Variants in PDE1A observed in about 807,000 individuals in gnomAD.
The protein encoded by PDE1A is dual specificity calcium/calmodulin-dependent 3',5'-cyclic nucleotide phosphodiesterase 1A.
A neutral mutation model predicts 61.7 loss-of-function variants in PDE1A; 35 were observed. The ratio of observed to expected loss-of-function variants is 0.57; its 90% CI spans 0.43 to 0.75. The LOEUF (loss-of-function observed/expected upper bound fraction) is 0.75. Ranked by LOEUF, PDE1A falls within the 30% of genes least tolerant of loss-of-function variation. The pLI is 0.00. For missense variants in PDE1A, 597 were observed against 630.6 expected (o/e 0.95, Z 0.57); for synonymous variants, 232 against 213.2 (o/e 1.09, Z -0.77).
At chr2:182,316,849 T>C (rs971604185) in intron 1 of PDE1A, among the ~76,000 whole-genome samples, 1 of 152,194 alleles carries the variant, frequency 6.6e-6, no homozygotes, top group Non-Finnish European at 1.5e-5. Context: ...TTTGGATATG[T>C]GTTGGCTTAG....
At chr2:182,510,522 G>T (rs1388431578) in intron 2 of PDE1A, among the ~76,000 whole-genome samples, 1 of 152,108 alleles carries the variant, frequency 6.6e-6, no homozygotes, top group African/African-American at 2.4e-5. Flanking sequence ...TAACGTAATG[G>T]AAATACAGCA....
chr2:182,208,274 G>A (rs555649547), intron 7 of PDE1A, among the ~76,000 whole-genome samples: 2 of 152,232 alleles, frequency 1.3e-5, no homozygotes, highest in Non-Finnish European at 2.9e-5. Flanking sequence ...ATGGCTGGTG[G>A]GGGCAGGGGC....
intron 1 of PDE1A, among the ~76,000 whole-genome samples, chr2:182,406,138 C>T (rs1359356928): frequency 2.0e-5 from 3 of 152,094 alleles, no homozygotes; most frequent in East Asian, 1.9e-4. Flanking sequence ...TTTATTCTCA[C>T]TTCAACTGTA....
At position 182,212,276 on chromosome 2, in the gene PDE1A, T is replaced by C. The variant is rs570606659; in HGVS notation, c.777-6211A>G. 3.4e-3 allele frequency among the ~76,000 whole-genome samples: 518 copies of C among 151,302 alleles called. 2 individuals carry two copies. The highest frequency in any genetic ancestry group is 0.012 in the African/African-American group (499 of 41,316). The stretch of plus-strand genomic sequence containing the variant: ...ATATATGTATACATTTATATATATA[T>C]ACACACACACACATAGTGGAATGGC... On this transcript the variant is annotated intron_variant, in intron 7 of 13. Transcript: ENST00000351439.
chr2:182,447,232 T>G (rs546399265), intron 2 of PDE1A, among the ~76,000 whole-genome samples: 1 of 152,084 alleles, frequency 6.6e-6, no homozygotes, highest in East Asian at 1.9e-4. Context: ...CTAGATAATG[T>G]TGCACTTAGT....
the PDE1A span, among the ~76,000 whole-genome samples, chr2:182,705,705 G>A: frequency 2.6e-5 from 4 of 152,104 alleles, no homozygotes; most frequent in Non-Finnish European, 5.9e-5. Flanking sequence ...ATAGAGACCA[G>A]GTTTTGCCAG....
At chr2:182,605,331 T>C in the PDE1A span, among the ~76,000 whole-genome samples, 1 of 152,106 alleles carries the variant, frequency 6.6e-6, no homozygotes, top group Non-Finnish European at 1.5e-5. Flanking sequence ...GACCCTGTGA[T>C]CAGTAGTGGC....
At chr2:182,272,541 C>T (rs1693106019) in intron 1 of PDE1A, among the ~76,000 whole-genome samples, 1 of 152,022 alleles carries the variant, frequency 6.6e-6, no homozygotes, top group Admixed American at 6.6e-5. Context: ...TTCAAGAAGC[C>T]ACTGAGGAGA....
chr2:182,533,067 T>C, the PDE1A span, among the ~76,000 whole-genome samples: 1 of 151,230 alleles, frequency 6.6e-6, no homozygotes, highest in African/African-American at 2.4e-5. Context: ...AACCCAGCAC[T>C]TTGGGAGGCC....
the PDE1A span, among the ~76,000 whole-genome samples, chr2:182,571,653 CA>C: frequency 6.6e-6 from 1 of 151,738 alleles, no homozygotes; most frequent in Non-Finnish European, 1.5e-5. Context: ...CTAAATTAAA[CA>C]ATAAGTTTAT....
chr2:182,401,796 T>A (rs1270971779), intron 1 of PDE1A, among the ~76,000 whole-genome samples: 6 of 152,138 alleles, frequency 3.9e-5, no homozygotes, highest in East Asian at 3.9e-4. Context: ...CAGCTCAAAA[T>A]CTCCTTAAGC....
At chr2:182,430,201 T>A (rs941638937), upstream of PDE1A, among the ~76,000 whole-genome samples, 14 of 149,768 alleles carry the variant, frequency 9.3e-5, no homozygotes, top group Non-Finnish European at 1.8e-4. Context: ...TTTCGCAACC[T>A]ACTCATCTGA....
chr2:182,202,183 T>C (rs1193676072), intron 8 of PDE1A, among the ~76,000 whole-genome samples: 1 of 152,160 alleles, frequency 6.6e-6, no homozygotes, highest in Admixed American at 6.6e-5. Flanking sequence ...GGAAAAAAAG[T>C]AGTCCAGTGG....
chr2:182,206,984 T>C (rs1243135031), intron 7 of PDE1A, among the ~76,000 whole-genome samples: 2 of 152,196 alleles, frequency 1.3e-5, no homozygotes, highest in East Asian at 1.9e-4. Flanking sequence ...ACCTCTTTTC[T>C]TGATATGTTA....
chr2:182,166,091 A>C (rs1046191725), downstream of PDE1A, among the ~76,000 whole-genome samples: 4 of 152,102 alleles, frequency 2.6e-5, no homozygotes, highest in Non-Finnish European at 5.9e-5. Flanking sequence ...GTGTGGTTTA[A>C]AGAGGTGCAT....
At chr2:182,504,523 G>T (rs921997441) in intron 2 of PDE1A, among the ~76,000 whole-genome samples, 8 of 152,096 alleles carry the variant, frequency 5.3e-5, no homozygotes, top group African/African-American at 1.9e-4. Flanking sequence ...AAAATAATTG[G>T]AAAGTATATA....
At chr2:182,211,939 GCAAA>G (rs1423194776) in intron 7 of PDE1A, among the ~76,000 whole-genome samples, 1 of 152,010 alleles carries the variant, frequency 6.6e-6, no homozygotes, top group African/African-American at 2.4e-5. Context: ...CATATCATCT[GCAAA>G]CAAAGATAAT....
the PDE1A span, among the ~76,000 whole-genome samples, chr2:182,610,465 CAACTGACCAAGCTGA>C: frequency 4.7e-4 from 72 of 152,002 alleles, 2 homozygotes; most frequent in South Asian, 6.2e-4. Context: ...ATCCCTGAAG[CAACTGACCAAGCTGA>C]AACTGACCAA....
the PDE1A span, among the ~76,000 whole-genome samples, chr2:182,660,643 T>C: frequency 6.6e-6 from 1 of 152,206 alleles, no homozygotes; most frequent in Middle Eastern, 3.2e-3. Context: ...ACTGTAGCCA[T>C]GTTGCAAGCT....
Sources: allele counts gnomAD v4.1 joint callset (sites outside exome capture counted in the v4.1 genomes callset), GRCh38; gene constraint gnomAD v4.1.1; transcripts MANE v1.5; gene names NCBI Gene and HGNC (gene_info 2026-07-23, HGNC 2026-07-21).